Variants in SEMA5A observed in about 807,000 individuals in gnomAD.
The protein encoded by SEMA5A is semaphorin-5A.
A neutral mutation model predicts 135.5 loss-of-function variants in SEMA5A; 55 were observed. The observed-to-expected ratio is 0.41, with a 90% confidence interval of 0.33 to 0.51. SEMA5A has a LOEUF of 0.51. Ranked by LOEUF, SEMA5A falls within the 20% of genes least tolerant of loss-of-function variation. SEMA5A has a pLI of 0.37. For synonymous variants in SEMA5A, 580 were observed against 546.5 expected, an observed-to-expected ratio of 1.06 and a Z score of -0.85; for missense variants, 1,290 against 1,419.9, an observed-to-expected ratio of 0.91 and a Z score of 1.47.
intron 9 of SEMA5A, among the ~76,000 whole-genome samples, chr5:9,198,438 G>A (rs183454221): frequency 1.2e-4 from 19 of 152,222 alleles, no homozygotes; most frequent in South Asian, 1.0e-3. Flanking sequence ...CCAAATGCCC[G>A]GATTTTCCCC....
chr5:9,042,834 C>CA lies in SEMA5A; in HGVS notation c.*62dup. ...GACTCTGAAGCCTCAGAAACATGGGCAGTCATGGGGCACAGGCCTTGAGGA... is the reference window on the plus strand; with the variant it reads ...GACTCTGAAGCCTCAGAAACATGGGCAAGTCATGGGGCACAGGCCTTGAGGA... On this transcript the variant is annotated 3_prime_UTR_variant, in exon 23 of 23. Coordinates refer to ENST00000382496, the MANE Select transcript of SEMA5A (RefSeq NM_003966.3). 1.3e-6 allele frequency: 2 copies of CA among 1,589,760 alleles called. No homozygotes were observed. The highest frequency in any genetic ancestry group is 1.7e-6 in the Non-Finnish European group (2 of 1,162,334).
At chr5:9,387,719 C>CA (rs1269807258) in intron 2 of SEMA5A, among the ~76,000 whole-genome samples, 1 of 152,208 alleles carries the variant, frequency 6.6e-6, no homozygotes, top group Non-Finnish European at 1.5e-5. Flanking sequence ...ATCAATAAAA[C>CA]AATAAACTTA....
At chr5:9,086,453 A>T (rs1197506480) in intron 16 of SEMA5A, among the ~76,000 whole-genome samples, 1 of 152,042 alleles carries the variant, frequency 6.6e-6, no homozygotes, top group East Asian at 1.9e-4. Flanking sequence ...TGATGGTTTT[A>T]AAAATGGGAG....
intron 5 of SEMA5A, among the ~76,000 whole-genome samples, chr5:9,308,830 C>T (rs1426401304): frequency 1.3e-5 from 2 of 152,016 alleles, no homozygotes; most frequent in African/African-American, 4.8e-5. Flanking sequence ...AATAATACCC[C>T]CACTTTAGTG....
intron 8 of SEMA5A, among the ~76,000 whole-genome samples, chr5:9,219,289 T>G (rs965813026): frequency 2.0e-5 from 3 of 152,130 alleles, no homozygotes; most frequent in African/African-American, 7.2e-5. Context: ...GGAGCCACTC[T>G]AAAAGTGGTC....
intron 16 of SEMA5A, among the ~76,000 whole-genome samples, chr5:9,094,973 A>T (rs1739239465): frequency 6.6e-6 from 1 of 152,178 alleles, no homozygotes; most frequent in Admixed American, 6.5e-5. Context: ...TTGAAAAAAA[A>T]ATATGCCATG....
chr5:9,170,395 C>A (rs1167344416), intron 11 of SEMA5A, among the ~76,000 whole-genome samples: 2 of 152,066 alleles, frequency 1.3e-5, no homozygotes, highest in Admixed American at 6.5e-5. Context: ...GTTATAGGAA[C>A]CTACTCTTAG....
At chr5:9,112,234 C>T (rs1044829199) in intron 15 of SEMA5A, among the ~76,000 whole-genome samples, 5 of 152,292 alleles carry the variant, frequency 3.3e-5, no homozygotes, top group African/African-American at 9.6e-5. Flanking sequence ...AAATTATCCA[C>T]TTTTTTTCAC....
intron 8 of SEMA5A, among the ~76,000 whole-genome samples, chr5:9,207,134 A>ATG (rs1491507145): frequency 7.2e-6 from 1 of 139,704 alleles, no homozygotes. Context: ...ATATATATAT[A>ATG]AAGCTTAAAG....
chr5:9,415,229 T>C (rs1561234622), intron 2 of SEMA5A, among the ~76,000 whole-genome samples: 1 of 152,246 alleles, frequency 6.6e-6, no homozygotes, highest in Non-Finnish European at 1.5e-5. Flanking sequence ...CAAAGTTTCA[T>C]TCCAGAAAGG....
intron 3 of SEMA5A, among the ~76,000 whole-genome samples, chr5:9,344,863 C>T (rs1753795634): frequency 1.3e-5 from 2 of 152,166 alleles, no homozygotes; most frequent in Admixed American, 1.3e-4. Flanking sequence ...CAGGGCATGA[C>T]ATTAGCTGCA....
chr5:9,510,187 A>G (rs1322733235), intron 1 of SEMA5A, among the ~76,000 whole-genome samples: 2 of 152,194 alleles, frequency 1.3e-5, no homozygotes, highest in African/African-American at 2.4e-5. Flanking sequence ...CAGAAGTCTC[A>G]CCTATTCACT....
rs532320142 is a variant in SEMA5A, at chr5:9,521,061, A to G, written c.-175+24523T>C. Among the ~76,000 whole-genome samples the G allele has an allele frequency of 2.0e-5, 3 of 152,348 alleles. No individual in the cohort carries two copies. In the South Asian group the frequency reaches 6.2e-4, roughly 32 times the overall value. On this transcript the variant is annotated intron_variant, in intron 1 of 22. Transcript: ENST00000382496. ...ATAGGGGAACCTGGGCACAGAGTGC[A>G]TAGGAACTCTCCAAACTGACTTTAC... is the stretch of plus-strand genomic sequence containing the variant.
At chr5:9,435,737 T>G (rs1235436214) in intron 2 of SEMA5A, among the ~76,000 whole-genome samples, 5 of 152,226 alleles carry the variant, frequency 3.3e-5, no homozygotes, top group African/African-American at 4.8e-5. Flanking sequence ...AACACAGCCA[T>G]GCCCATTCAC....
chr5:9,147,724 C>CAA (rs59966819), intron 12 of SEMA5A, among the ~76,000 whole-genome samples: 33,631 of 102,012 alleles, frequency 0.33, 4,370 homozygotes, highest in Middle Eastern at 0.38. Context: ...TAAAACAAAC[C>CAA]AAAAAAAAAA....
intron 3 of SEMA5A, among the ~76,000 whole-genome samples, chr5:9,361,152 A>T (rs1754676004): frequency 1.3e-5 from 2 of 152,076 alleles, no homozygotes; most frequent in Non-Finnish European, 2.9e-5. Flanking sequence ...TACGAAAATT[A>T]GCCGGGCAAG....
intron 21 of SEMA5A, 39 bp from the exon 22 acceptor site, chr5:9,044,623 G>T (rs751552259): frequency 1.3e-6 from 2 of 1,544,162 alleles, no homozygotes; most frequent in Non-Finnish European, 1.8e-6. Flanking sequence ...CACTTGAAAA[G>T]AACATCCTGC....
At chr5:9,354,746 T>C (rs1246418699) in intron 3 of SEMA5A, among the ~76,000 whole-genome samples, 2 of 152,110 alleles carry the variant, frequency 1.3e-5, no homozygotes, top group Non-Finnish European at 2.9e-5. Context: ...AGTAACTTTG[T>C]AGAGTGTGAC....
At chr5:9,503,614 G>T (rs1171801118) in intron 1 of SEMA5A, among the ~76,000 whole-genome samples, 3 of 152,134 alleles carry the variant, frequency 2.0e-5, no homozygotes, top group Non-Finnish European at 4.4e-5. Flanking sequence ...TCCTAAAGTT[G>T]CATTTAAAAT....
Sources: gnomAD v4.1 joint callset for allele counts (sites outside exome capture counted in the v4.1 genomes callset) on GRCh38, gnomAD v4.1.1 for gene constraint, MANE v1.5 for transcripts, NCBI Gene and HGNC (gene_info 2026-07-23, HGNC 2026-07-21) for gene names.